Variants in CRADD observed in about 807,000 individuals in gnomAD.
CRADD encodes death domain-containing protein CRADD.
Under a neutral mutation model 15.5 loss-of-function variants are expected in CRADD, and 9 were observed. The observed-to-expected ratio is 0.58, with a 90% confidence interval of 0.35 to 1.01. CRADD has a LOEUF of 1.01. CRADD is among the 50% of genes least tolerant of loss of function. The pLI, the probability that CRADD is intolerant of heterozygous loss-of-function variation, is 0.02. For synonymous variants in CRADD, 118 were observed against 107.6 expected (o/e 1.10, Z -0.60); for missense variants, 227 against 250.3 (o/e 0.91, Z 0.63).
In CRADD at chr12:93,715,211, T is replaced by C. The variant is rs188728381; in HGVS notation, c.298+36139T>C. 5.3e-5 allele frequency among the ~76,000 whole-genome samples: 8 copies of C among 152,338 alleles called. No homozygotes were observed. In the East Asian group the frequency reaches 1.5e-3, roughly 29 times the overall value. On this transcript the variant is annotated intron_variant, in intron 2 of 2. Coordinates refer to ENST00000332896, the MANE Select transcript of CRADD (RefSeq NM_003805.5). ...CGCCTTTGATTTCTATTGAAATTAC[T>C]CATAGGGTAAGAGTGAGAGTTCTTG...
chr12:93,775,160 T>G (rs920747416), intron 2 of CRADD, among the ~76,000 whole-genome samples: 1 of 152,208 alleles, frequency 6.6e-6, no homozygotes, highest in African/African-American at 2.4e-5. Context: ...GATAATTTTG[T>G]CAAGTTTTTA....
Position 93,724,428 on chromosome 12 carries a change from T to C in CRADD, c.298+45356T>C, listed in dbSNP as rs1276435884. Among the ~76,000 whole-genome samples, 3 of 152,086 alleles carry C rather than the reference T, an allele frequency of 2.0e-5. No individual in the cohort carries two copies. The East Asian group carries it at 5.8e-4, about 29-fold the overall frequency. Reference sequence around the variant, plus strand: ...CTCCAGTATGTTGTGATTCTCTGTATCTGCCTGTCTGTTGCTTCAATTTCA... The same window carrying C: ...CTCCAGTATGTTGTGATTCTCTGTACCTGCCTGTCTGTTGCTTCAATTTCA... On this transcript the variant is annotated intron_variant, in intron 2 of 2. Transcript: ENST00000332896.
chr12:93,752,895 A>G (rs1323701053), intron 2 of CRADD, among the ~76,000 whole-genome samples: 1 of 152,220 alleles, frequency 6.6e-6, no homozygotes, highest in Admixed American at 6.5e-5. Context: ...TCGAAGGTGA[A>G]AGGCACATCT....
chr12:93,835,901 C>G (rs984722234), intron 2 of CRADD, among the ~76,000 whole-genome samples: 1 of 152,148 alleles, frequency 6.6e-6, no homozygotes, highest in Non-Finnish European at 1.5e-5. Context: ...CTCCTTGACA[C>G]CCTTCTGACC....
chr12:93,828,925 GA>G (rs1461332230), intron 2 of CRADD, among the ~76,000 whole-genome samples: 1 of 152,170 alleles, frequency 6.6e-6, no homozygotes, highest in Non-Finnish European at 1.5e-5. Flanking sequence ...TTTCCAGGGG[GA>G]TGTGTTCATG....
chr12:93,876,595 G>T (rs1464831540), intron 2 of CRADD, among the ~76,000 whole-genome samples: 1 of 151,866 alleles, frequency 6.6e-6, no homozygotes, highest in Non-Finnish European at 1.5e-5. Flanking sequence ...GATCCATTCT[G>T]CTATTAAAGG....
chr12:93,786,033 G>T (rs989999323), intron 2 of CRADD, among the ~76,000 whole-genome samples: 43 of 152,172 alleles, frequency 2.8e-4, no homozygotes, highest in African/African-American at 8.4e-4. Flanking sequence ...GAATAGCAAA[G>T]GTCACAGACT....
chr12:93,799,910 C>A (rs1957458918), intron 2 of CRADD, among the ~76,000 whole-genome samples: 1 of 152,140 alleles, frequency 6.6e-6, no homozygotes, highest in Admixed American at 6.5e-5. Context: ...AATATGCCAG[C>A]TTAAAATTCA....
At chr12:93,875,252 T>G (rs1411141095) in intron 2 of CRADD, among the ~76,000 whole-genome samples, 2 of 54,920 alleles carry the variant, frequency 3.6e-5, no homozygotes, top group Non-Finnish European at 1.0e-4. Context: ...CTGATTTTTG[T>G]TTTTTTTCCA....
At chr12:93,749,726 A>G (rs553109088) in intron 2 of CRADD, among the ~76,000 whole-genome samples, 8 of 152,056 alleles carry the variant, frequency 5.3e-5, no homozygotes, top group Non-Finnish European at 1.0e-4. Flanking sequence ...GGTTTTATCT[A>G]TTTATCTCCC....
chr12:93,825,648 A>G (rs921874429), intron 2 of CRADD, among the ~76,000 whole-genome samples: 3 of 152,136 alleles, frequency 2.0e-5, no homozygotes, highest in Admixed American at 2.0e-4. Context: ...TATCCACCCA[A>G]TAGCTAGGAG....
At chr12:93,863,254 G>A (rs1421249533) in intron 2 of CRADD, among the ~76,000 whole-genome samples, 1 of 152,120 alleles carries the variant, frequency 6.6e-6, no homozygotes, top group African/African-American at 2.4e-5. Flanking sequence ...AACTGGTCTT[G>A]CCCTATAACA....
chr12:93,775,721 C>T (rs999098365), intron 2 of CRADD, among the ~76,000 whole-genome samples: 4 of 152,186 alleles, frequency 2.6e-5, no homozygotes, highest in East Asian at 3.9e-4. Context: ...TGATGCTTTC[C>T]GTTTGGAGGT....
intron 2 of CRADD, among the ~76,000 whole-genome samples, chr12:93,835,021 A>G (rs959287649): frequency 6.6e-6 from 1 of 152,236 alleles, no homozygotes; most frequent in Non-Finnish European, 1.5e-5. Flanking sequence ...TAAACACTGC[A>G]TCCTTTATTG....
chr12:93,834,696 C>T (rs1048202637), intron 2 of CRADD, among the ~76,000 whole-genome samples: 9 of 152,188 alleles, frequency 5.9e-5, no homozygotes, highest in African/African-American at 2.2e-4. Context: ...CCATGTTGGT[C>T]AGGCTAGTCT....
intron 2 of CRADD, among the ~76,000 whole-genome samples, chr12:93,817,580 C>T (rs1957719677): frequency 6.6e-6 from 1 of 152,098 alleles, no homozygotes; most frequent in East Asian, 1.9e-4. Context: ...CCTTCTTAGT[C>T]ATCCTTCTTT....
chr12:93,833,779 A>G (rs1414103892), intron 2 of CRADD, among the ~76,000 whole-genome samples: 1 of 151,832 alleles, frequency 6.6e-6, no homozygotes, highest in Non-Finnish European at 1.5e-5. Context: ...TTCCCCCTCT[A>G]TGGTTAAGTA....
chr12:93,762,411 T>C (rs1386940217), intron 2 of CRADD, among the ~76,000 whole-genome samples: 1 of 152,138 alleles, frequency 6.6e-6, no homozygotes, highest in Non-Finnish European at 1.5e-5. Context: ...ACATTAGATG[T>C]AATTGGAAGC....
At chr12:93,747,856 C>T (rs1956779026) in intron 2 of CRADD, among the ~76,000 whole-genome samples, 1 of 152,180 alleles carries the variant, frequency 6.6e-6, no homozygotes, top group South Asian at 2.1e-4. Context: ...CTCTTTCCTT[C>T]AGACTACCTG....
Sources: gnomAD v4.1 joint callset for allele counts (sites outside exome capture counted in the v4.1 genomes callset) on GRCh38, gnomAD v4.1.1 for gene constraint, MANE v1.5 for transcripts, NCBI Gene and HGNC (gene_info 2026-07-23, HGNC 2026-07-21) for gene names.